The following SNX9 variants were observed in gnomAD, a reference collection of about 807,000 sequenced individuals.
SNX9 encodes the protein sorting nexin 9.
A neutral mutation model predicts 89.4 loss-of-function variants in SNX9; 44 were observed. The ratio of observed to expected loss-of-function variants is 0.49; its 90% confidence interval spans 0.39 to 0.63. The LOEUF (loss-of-function observed/expected upper bound fraction) is 0.63, where lower values mean the gene tolerates loss of function less well. SNX9 is among the 30% of genes least tolerant of loss of function. The pLI, the probability that SNX9 is intolerant of heterozygous loss-of-function variation, is 0.00. For synonymous variants in SNX9, 236 were observed against 247.8 expected, an observed-to-expected ratio of 0.95 and a Z score of 0.45; for missense variants, 578 against 736.1, an observed-to-expected ratio of 0.79 and a Z score of 2.49.
In SNX9 at chr6:157,945,024, G is replaced by A. The variant is rs1784113797; in HGVS notation, c.*2186G>A. 1 of 152,156 alleles carries A rather than the reference G, an allele frequency of 6.6e-6. No homozygotes were observed. Among genetic ancestry groups the A allele is most frequent in the African/African-American group, 2.4e-5 (1 of 41,432 alleles). The allele number at this position is 152,156 out of a possible 1,614,324, so 9.4% of individuals were successfully genotyped here. A position where few individuals can be genotyped will look rare whatever the true frequency, so the allele number is the denominator to read the frequency against. ...TTTAATGATTTGTATCAACCTGTAGGTACCACAGAAGAGCTGTAGTCATAC... is the reference window on the plus strand; with the variant it reads ...TTTAATGATTTGTATCAACCTGTAGATACCACAGAAGAGCTGTAGTCATAC... On this transcript the variant is annotated 3_prime_UTR_variant, in exon 18 of 18. Transcript: ENST00000392185.
chr6:157,907,626 G>A (rs1408956222), intron 7 of SNX9, among the ~76,000 whole-genome samples: 6 of 152,302 alleles, frequency 3.9e-5, no homozygotes, highest in Admixed American at 3.9e-4. Context: ...GGTTTGCAGT[G>A]GTGGTACAGA....
intron 1 of SNX9, among the ~76,000 whole-genome samples, chr6:157,847,661 A>G (rs1398552637): frequency 6.6e-6 from 1 of 152,130 alleles, no homozygotes; most frequent in Non-Finnish European, 1.5e-5. Flanking sequence ...AATAATTTCC[A>G]CGTGGGCCCA....
At chr6:157,863,200 A>G (rs1003647122) in intron 1 of SNX9, among the ~76,000 whole-genome samples, 2 of 152,258 alleles carry the variant, frequency 1.3e-5, no homozygotes. Flanking sequence ...CAGACAGAAT[A>G]ACAGATATGT....
intron 4 of SNX9, among the ~76,000 whole-genome samples, chr6:157,893,256 G>A (rs897243932): frequency 1.2e-4 from 18 of 152,132 alleles, no homozygotes; most frequent in Admixed American, 6.5e-5. Flanking sequence ...AGTCCATCCC[G>A]AAGCCGAATG....
chr6:157,887,642 G>C (rs1242940230), intron 4 of SNX9, among the ~76,000 whole-genome samples: 3 of 152,196 alleles, frequency 2.0e-5, no homozygotes, highest in Non-Finnish European at 4.4e-5. Context: ...CTGGTGTCCA[G>C]TGATTTGAAC....
chr6:157,830,952 T>C (rs1001173315), intron 1 of SNX9, among the ~76,000 whole-genome samples: 15 of 152,218 alleles, frequency 9.9e-5, no homozygotes, highest in African/African-American at 3.1e-4. Flanking sequence ...TATTCTTTCC[T>C]CAGTCAGGCC....
chr6:157,857,234 G>T (rs1782030685), intron 1 of SNX9, among the ~76,000 whole-genome samples: 1 of 152,082 alleles, frequency 6.6e-6, no homozygotes. Flanking sequence ...CTTCAGGTTG[G>T]TACCTGTGTC....
rs573102201 is a variant in SNX9, at chr6:157,896,783, C to T, written c.301-44C>T. The stretch of plus-strand genomic sequence containing the variant: ...TCATTATTGAATTGAGTCATGGTTT[C>T]CAAAAGTCACAAAAATTCTCCTTCT... On this transcript the variant is annotated intron_variant, in intron 4 of 17. Coordinates refer to ENST00000392185, the MANE Select transcript of SNX9 (RefSeq NM_016224.5). The T allele has an allele frequency of 9.2e-5, 148 of 1,609,170 alleles. 1 individual carries two copies. In the South Asian group the frequency reaches 1.5e-3, roughly 16 times the overall value.
intron 1 of SNX9, among the ~76,000 whole-genome samples, chr6:157,852,549 C>G (rs895049721): frequency 6.6e-6 from 1 of 151,974 alleles, no homozygotes; most frequent in South Asian, 2.1e-4. Flanking sequence ...CAGTAGACCT[C>G]TATTTCCCTT....
chr6:157,842,789 A>C (rs1183321799), intron 1 of SNX9, among the ~76,000 whole-genome samples: 2 of 152,186 alleles, frequency 1.3e-5, no homozygotes, highest in East Asian at 3.8e-4. Flanking sequence ...GTTTTACAAT[A>C]GTGATGTTAT....
At chr6:157,919,531 C>G (rs1783541256) in intron 9 of SNX9, among the ~76,000 whole-genome samples, 1 of 152,082 alleles carries the variant, frequency 6.6e-6, no homozygotes, top group Non-Finnish European at 1.5e-5. Context: ...ACTATACTTT[C>G]AACTCCAGAA....
chr6:157,940,822 C>T, intron 16 of SNX9, 61 bp from the exon 17 acceptor site: 1 of 1,434,038 alleles, frequency 7.0e-7, no homozygotes, highest in Non-Finnish European at 9.8e-7. Context: ...AGCAGAGAAA[C>T]CAGGTGTTGT....
At chr6:157,915,640 A>AATATATATATATATATAT (rs1411739606) in intron 9 of SNX9, among the ~76,000 whole-genome samples, 30 of 95,064 alleles carry the variant, frequency 3.2e-4, no homozygotes, top group Non-Finnish European at 4.0e-4. Flanking sequence ...AAAAAAAAAA[A>AATATATATATATATATAT]ATATATATAT....
chr6:157,860,102 T>A (rs1457056919), intron 1 of SNX9, among the ~76,000 whole-genome samples: 1 of 152,204 alleles, frequency 6.6e-6, no homozygotes, highest in Non-Finnish European at 1.5e-5. Context: ...ATATTTACTA[T>A]CTGGTCCTGT....
In SNX9 at chr6:157,944,679, G is replaced by A. The variant is rs1784107300; in HGVS notation, c.*1841G>A. 6.6e-6 allele frequency: 1 copy of A among 152,172 alleles called. No individual in the cohort carries two copies. The highest frequency in any genetic ancestry group is 1.5e-5 in the Non-Finnish European group (1 of 68,044). 9.4% of individuals were successfully genotyped at this position (152,172 alleles called of 1,614,324 possible). ...CATCATTTCAGTTCCGTAGGTCAGT[G>A]TTGCGGTCCGGGAAGCGTATCATAA... is the stretch of plus-strand genomic sequence containing the variant. On this transcript the variant is annotated 3_prime_UTR_variant, in exon 18 of 18. Transcript: ENST00000392185.
intron 9 of SNX9, among the ~76,000 whole-genome samples, chr6:157,910,507 G>T (rs760899547): frequency 6.6e-6 from 1 of 152,162 alleles, no homozygotes; most frequent in Non-Finnish European, 1.5e-5. Flanking sequence ...GAAGGAAGAA[G>T]CTGCCAGGTT....
At chr6:157,873,767 C>T (rs1782465817) in intron 3 of SNX9, among the ~76,000 whole-genome samples, 1 of 151,904 alleles carries the variant, frequency 6.6e-6, no homozygotes, top group African/African-American at 2.4e-5. Context: ...TATCTCAGTT[C>T]CTTCTCCCAT....
intron 5 of SNX9, among the ~76,000 whole-genome samples, chr6:157,899,156 C>T (rs1404116458): frequency 4.0e-5 from 6 of 148,370 alleles, no homozygotes; most frequent in South Asian, 2.1e-4. Context: ...TTATCTGACA[C>T]GGGGATTATT....
chr6:157,836,965 A>G lies in SNX9; in HGVS notation c.12+13519A>G, dbSNP rs750925471. Among the ~76,000 whole-genome samples, 78 of 152,152 alleles carry G rather than the reference A, an allele frequency of 5.1e-4. 1 individual carries two copies. The highest frequency in any genetic ancestry group is 2.0e-4 in the Admixed American group (3 of 15,284). On this transcript the variant is annotated intron_variant, in intron 1 of 17. Coordinates refer to ENST00000392185, the MANE Select transcript of SNX9 (RefSeq NM_016224.5). ...TAGGGACCTAACTTCCAGAACCACT[A>G]TTGTGAGGGATGGAAAAATAAAAGA...
Sources: allele counts gnomAD v4.1 joint callset (sites outside exome capture counted in the v4.1 genomes callset), GRCh38; gene constraint gnomAD v4.1.1; transcripts MANE v1.5; gene names NCBI Gene and HGNC (gene_info 2026-07-23, HGNC 2026-07-21).